Variants in CXorf66 observed in about 807,000 individuals in gnomAD.
The protein encoded by CXorf66 is chromosome X open reading frame 66.
A neutral mutation model predicts 5.0 loss-of-function variants in CXorf66; 6 were observed. That is an observed-to-expected ratio of 1.20 (90% CI 0.65 to 2.36). The LOEUF is 2.36. Ranked by LOEUF, CXorf66 falls within the 30% of genes most tolerant of loss-of-function variation. CXorf66 has a pLI of 0.00. For missense variants in CXorf66, 270 were observed against 254.9 expected, an observed-to-expected ratio of 1.06 and a Z score of -0.40; for synonymous variants, 98 against 102.8, an observed-to-expected ratio of 0.95 and a Z score of 0.28.
At chrX:139,956,903 A>G (rs2085576068) in intron 2 of CXorf66, among the ~76,000 whole-genome samples, 164 bp from the exon 3 acceptor site, 2 of 111,970 alleles carry the variant, frequency 1.8e-5, no homozygotes, top group South Asian at 7.4e-4. Context: ...GTGGTGGTTC[A>G]CACCTGTAAT....
At chrX:139,956,963 C>T (rs1232146409) in intron 2 of CXorf66, among the ~76,000 whole-genome samples, 4 of 110,756 alleles carry the variant, frequency 3.6e-5, no homozygotes, top group Admixed American at 1.9e-4. Flanking sequence ...GCCAGGAGTT[C>T]GAGACCAGGC....
rs1245473654 is a variant in CXorf66 at position 139,956,678 on chromosome X, C to A, written c.304G>T (p.Ala102Ser). 7 of 1,209,643 alleles carry A rather than the reference C, an allele frequency of 5.8e-6. No homozygotes were observed. The highest frequency in any genetic ancestry group is 1.7e-5 in the African/African-American group (1 of 57,778). Reference sequence around the variant, plus strand: ...TGTGTTTCTGGACTGCATTGAGAGGCTGTCTTGGCTTCACTGAATGATGTT... The same window carrying A: ...TGTGTTTCTGGACTGCATTGAGAGGATGTCTTGGCTTCACTGAATGATGTT... ...SKTSFSEAKT[A>S]SQCSPETQPM... Residue 102 changes from alanine to serine, a missense_variant, in exon 3 of 3, where the codon GCC becomes TCC. Transcript: ENST00000370540.
At position 139,965,354 on chromosome X, in the gene CXorf66, T is replaced by A. The variant is rs924428134; in HGVS notation, c.88+55A>T. The A allele has an allele frequency of 3.1e-5, 27 of 861,056 alleles. No individual in the cohort carries two copies. In the Middle Eastern group the frequency reaches 3.4e-3, roughly 108 times the overall value. The allele number at this position is 861,056 out of a possible 1,213,427, so 71.0% of individuals were successfully genotyped here. On this transcript the variant is annotated intron_variant, in intron 1 of 2. Coordinates refer to ENST00000370540, the MANE Select transcript of CXorf66 (RefSeq NM_001013403.3). Reference sequence around the variant, plus strand: ...ACAGCTGGCGTTTCTAATTAAATACTTTAATGTATACTGTAACAGATCATA... The same window carrying A: ...ACAGCTGGCGTTTCTAATTAAATACATTAATGTATACTGTAACAGATCATA...
intron 1 of CXorf66, among the ~76,000 whole-genome samples, chrX:139,963,856 C>G (rs1157519324): frequency 8.9e-6 from 1 of 111,807 alleles, no homozygotes; most frequent in Non-Finnish European, 1.9e-5. Context: ...AACTGGCTAG[C>G]CATGTGCAGA....
Position 139,965,485 on chromosome X carries a change from A to G in CXorf66, c.12T>C (p.Val4=), listed in dbSNP as rs199505612. 1.1e-5 allele frequency: 13 copies of G among 1,199,543 alleles called. No individual in the cohort carries two copies. The highest frequency in any genetic ancestry group is 3.5e-5 in the African/African-American group (2 of 56,752). ...AAATGGACAAAAGTAGGACACAAAT[A>G]ACAAGATTCATGTCCGCAACTTGGT... MNL[V]ICVLLLSIWK... Residue 4 remains valine (V), a synonymous_variant, in exon 1 of 3, where the codon GTT becomes GTC. Transcript: ENST00000370540.
At position 139,956,101 on chromosome X, in the gene CXorf66, G is replaced by A. The variant is rs1322910747; in HGVS notation, c.881C>T (p.Thr294Ile). ...NDISEAKEKN[T>I]QNLHVSSKVK... Reference sequence around the variant, plus strand: ...TTTGCTTGAAACATGTAGGTTTTGAGTGTTTTTCTCCTTTGCCTCAGAAAT... The same window carrying A: ...TTTGCTTGAAACATGTAGGTTTTGAATGTTTTTCTCCTTTGCCTCAGAAAT... The change falls in exon 3 of 3, where the codon ACT becomes ATT. Residue 294 changes from threonine (T) to isoleucine (I), a missense_variant. Physicochemically the swap from Thr to Ile is moderately conservative, Grantham distance 89. Coordinates refer to ENST00000370540, the MANE Select transcript of CXorf66 (RefSeq NM_001013403.3). The A allele has an allele frequency of 8.3e-7, 1 of 1,211,277 alleles. No individual in the cohort carries two copies. Among genetic ancestry groups the A allele is most frequent in the Admixed American group, 2.2e-5 (1 of 46,010 alleles).
intron 1 of CXorf66, among the ~76,000 whole-genome samples, chrX:139,959,794 G>A (rs2085586874): frequency 9.0e-6 from 1 of 111,696 alleles, no homozygotes; most frequent in African/African-American, 3.3e-5. Context: ...GTCTGGAGTG[G>A]ACCTCCAGCA....
chrX:139,960,845 A>G (rs1304109248), intron 1 of CXorf66, among the ~76,000 whole-genome samples: 1 of 111,747 alleles, frequency 8.9e-6, no homozygotes, highest in African/African-American at 3.3e-5. Flanking sequence ...CATAAATGAA[A>G]GAGAAATAAA....
Position 139,955,837 on chromosome X carries a change from CATAAAATAGTTGGT to C in CXorf66, c.*45_*58del, listed in dbSNP as rs2085570648. The C allele has an allele frequency of 1.9e-5, 20 of 1,071,628 alleles. No individual in the cohort carries two copies. In the South Asian group the frequency reaches 4.5e-4, roughly 24 times the overall value. 88.3% of individuals were successfully genotyped at this position (1,071,628 alleles called of 1,213,427 possible). A position where few individuals can be genotyped will look rare whatever the true frequency, so the allele number is the denominator to read the frequency against. On this transcript the variant is annotated 3_prime_UTR_variant, in exon 3 of 3. Transcript: ENST00000370540. ...TACTGGTTTCTTAAGGGATGATGAG[CATAAAATAGTTGGT>C]ATAAGTTTGCTCTTTCACACTTGGA...
chrX:139,958,638 C>A (rs778534354), intron 1 of CXorf66, among the ~76,000 whole-genome samples: 1 of 111,980 alleles, frequency 8.9e-6, no homozygotes, highest in Non-Finnish European at 1.9e-5. Context: ...AGGAACAGCT[C>A]TGGTCTGCAG....
chrX:139,964,801 C>G (rs1926652558), intron 1 of CXorf66, among the ~76,000 whole-genome samples: 1 of 110,934 alleles, frequency 9.0e-6, no homozygotes, highest in Admixed American at 9.7e-5. Context: ...TCTCAGCAAA[C>G]TAACAGAGGA....
At position 139,956,593 on chromosome X, in the gene CXorf66, G is replaced by A; in HGVS notation, c.389C>T (p.Ala130Val). The change falls in exon 3 of 3, where the codon GCA becomes GTA. Residue 130 changes from alanine (A) to valine (V), a missense_variant. Transcript: ENST00000370540. Reference protein sequence around the residue: ...SDSSSPERASAQSSTEKLIRP... With the variant: ...SDSSSPERASVQSSTEKLIRP... ...GATTAATTTTTCTGTGCTGGATTGT[G>A]CGGATGCCCTTTCTGGACTCGATGA... 1 of 1,211,195 alleles carries A rather than the reference G, an allele frequency of 8.3e-7. No individual in the cohort carries two copies. Among genetic ancestry groups the A allele is most frequent in the Admixed American group, 2.2e-5 (1 of 45,909 alleles).
chrX:139,961,368 C>T (rs1279778113), intron 1 of CXorf66, among the ~76,000 whole-genome samples: 1 of 111,916 alleles, frequency 8.9e-6, no homozygotes, highest in Non-Finnish European at 1.9e-5. Flanking sequence ...ATCAATGCAA[C>T]AAGAAGAGCC....
intron 1 of CXorf66, among the ~76,000 whole-genome samples, chrX:139,964,659 AC>A (rs1302447286): frequency 5.4e-5 from 6 of 111,620 alleles, no homozygotes; most frequent in Non-Finnish European, 9.4e-5. Context: ...CCTGGAACCA[AC>A]CCAAATGCCC....
chrX:139,962,529 T>C (rs961298313), intron 1 of CXorf66, among the ~76,000 whole-genome samples: 11 of 111,463 alleles, frequency 9.9e-5, no homozygotes, highest in African/African-American at 3.6e-4. Context: ...CTGAAACTAT[T>C]TTAAATAATA....
In CXorf66 at chrX:139,956,149, G is replaced by A. The variant is rs755579884; in HGVS notation, c.833C>T (p.Thr278Ile). The A allele has an allele frequency of 2.5e-6, 3 of 1,210,136 alleles. No homozygotes were observed. Among genetic ancestry groups the A allele is most frequent in the African/African-American group, 3.5e-5 (2 of 57,236 alleles). The change falls in exon 3 of 3, where the codon ACT becomes ATT. Residue 278 changes from threonine to isoleucine, a missense_variant. By Grantham distance (89) the Thr-to-Ile change is moderately conservative. Coordinates refer to ENST00000370540, the MANE Select transcript of CXorf66 (RefSeq NM_001013403.3). ...AATATCATTGACCAAAGGCCTATAA[G>A]TTTTGGCAACAAGATGTTTTTTCTT... ...PYKKKHLVAK[T>I]YRPLVNDISE...
chrX:139,961,137 A>T (rs1045605525), intron 1 of CXorf66, among the ~76,000 whole-genome samples: 1 of 111,942 alleles, frequency 8.9e-6, no homozygotes, highest in Admixed American at 9.5e-5. Context: ...TAGACTGGCA[A>T]ATTGGATAAA....
At chrX:139,964,543 C>T (rs1173189839) in intron 1 of CXorf66, among the ~76,000 whole-genome samples, 1 of 111,285 alleles carries the variant, frequency 9.0e-6, no homozygotes, top group Admixed American at 9.7e-5. Context: ...ACCATTTGAC[C>T]CAGCAATCCC....
At chrX:139,958,795 G>C (rs1262785807) in intron 1 of CXorf66, among the ~76,000 whole-genome samples, 2 of 112,191 alleles carry the variant, frequency 1.8e-5, no homozygotes, top group Non-Finnish European at 3.8e-5. Context: ...AGCAGAAGCA[G>C]AGTGGGGCAT....
Sources: allele counts gnomAD v4.1 joint callset (sites outside exome capture counted in the v4.1 genomes callset), GRCh38; gene constraint gnomAD v4.1.1; transcripts MANE v1.5; gene names NCBI Gene and HGNC (gene_info 2026-07-23, HGNC 2026-07-21).